Variants in RFC3 observed in about 807,000 individuals in gnomAD.
RFC3 encodes the protein A1 38 kDa subunit.
A neutral mutation model predicts 45.1 loss-of-function variants in RFC3; 41 were observed. The ratio of observed to expected loss-of-function variants is 0.91; its 90% CI spans 0.71 to 1.18. The LOEUF is 1.18. RFC3 is among the 50% of genes most tolerant of loss of function. The probability of loss-of-function intolerance (pLI) is 0.00; values close to 1 mark genes in which losing one functional copy is unlikely to be tolerated. For missense variants in RFC3, 423 were observed against 428.1 expected, an observed-to-expected ratio of 0.99 and a Z score of 0.10; for synonymous variants, 149 against 144.0, an observed-to-expected ratio of 1.03 and a Z score of -0.25.
At chr13:33,845,856 T>G (rs1189541947) in intron 8 of RFC3, among the ~76,000 whole-genome samples, 2 of 152,218 alleles carry the variant, frequency 1.3e-5, no homozygotes, top group African/African-American at 4.8e-5. Flanking sequence ...TGTATGGACA[T>G]TGAAGAGTTA....
In RFC3 at chr13:33,836,536, C is replaced by T; in HGVS notation, c.*241C>T. On this transcript the variant is annotated 3_prime_UTR_variant, in exon 9 of 9. Transcript: ENST00000380071. ...AGTCTAAGAAAATGATCTTAATTTA[C>T]TTTAAGCATTGGTTATTCAAGTATT... 1.7e-6 allele frequency: 2 copies of T among 1,206,080 alleles called. No individual in the cohort carries two copies. Among genetic ancestry groups the T allele is most frequent in the Non-Finnish European group, 1.0e-6 (1 of 965,420 alleles). 74.7% of individuals were successfully genotyped at this position (1,206,080 alleles called of 1,614,324 possible). A position where few individuals can be genotyped will look rare whatever the true frequency, so the allele number is the denominator to read the frequency against.
chr13:33,887,711 T>A (rs1465290365), intron 8 of RFC3, among the ~76,000 whole-genome samples: 4 of 152,160 alleles, frequency 2.6e-5, no homozygotes, highest in Non-Finnish European at 4.4e-5. Flanking sequence ...CCCATGCCTA[T>A]GTCCTGAATG....
chr13:33,919,231 T>C (rs1427391863), intron 8 of RFC3, among the ~76,000 whole-genome samples: 5 of 152,150 alleles, frequency 3.3e-5, no homozygotes, highest in Non-Finnish European at 5.9e-5. Context: ...TCTTTTTGTA[T>C]TTCTAATTGG....
At chr13:33,954,356 G>C (rs535448709) in intron 8 of RFC3, among the ~76,000 whole-genome samples, 2 of 152,192 alleles carry the variant, frequency 1.3e-5, no homozygotes, top group Non-Finnish European at 2.9e-5. Context: ...AGACCCCTGA[G>C]TGATGGTCAT....
At chr13:33,918,807 T>C (rs2082749472) in intron 8 of RFC3, among the ~76,000 whole-genome samples, 1 of 152,140 alleles carries the variant, frequency 6.6e-6, no homozygotes, top group Non-Finnish European at 1.5e-5. Context: ...CAAGTTTATA[T>C]GCTCAGAATT....
chr13:33,829,848 C>G lies in RFC3; in HGVS notation c.404C>G (p.Thr135Arg). ...CTCTTTGACTCAGTGGTATTATTGA[C>G]AGAAGTTGACAAACTCACCAAAGAT... ...SQRDFKVVLL[T>R]EVDKLTKDAQ... Residue 135 changes from threonine to arginine, a missense_variant, in exon 5 of 9, where the codon ACA (threonine) becomes AGA (arginine). Transcript: ENST00000380071. 1.2e-6 allele frequency: 2 copies of G among 1,613,816 alleles called. No homozygotes were observed. Among genetic ancestry groups the G allele is most frequent in the Non-Finnish European group, 1.7e-6 (2 of 1,179,728 alleles).
rs778661515 is a variant in RFC3, at chr13:33,824,451, C to T, written c.293+467C>T. Among the ~76,000 whole-genome samples the T allele has an allele frequency of 3.6e-4, 54 of 152,082 alleles. 1 individual carries two copies. The highest frequency in any genetic ancestry group is 1.3e-4 in the Non-Finnish European group (9 of 67,994). On this transcript the variant is annotated intron_variant, in intron 3 of 8. Transcript: ENST00000380071. ...CAATATCTTTATTCTCTATATCATG[C>T]AGTAATAAGAATTAGGAACTTGTTG... is the stretch of plus-strand genomic sequence containing the variant.
intron 8 of RFC3, among the ~76,000 whole-genome samples, chr13:33,872,617 C>T (rs1316476501): frequency 6.6e-6 from 1 of 152,066 alleles, no homozygotes; most frequent in East Asian, 1.9e-4. Flanking sequence ...CCTGTAATAC[C>T]AGCTACTCGG....
downstream of RFC3, among the ~76,000 whole-genome samples, chr13:33,840,433 T>C (rs983287499): frequency 2.6e-5 from 4 of 152,226 alleles, no homozygotes; most frequent in Non-Finnish European, 5.9e-5. Context: ...CTGCTTATTA[T>C]ATCTGTCATT....
intron 8 of RFC3, chr13:33,850,065 A>G (rs1179131145): frequency 6.6e-6 from 1 of 152,232 alleles, no homozygotes; most frequent in African/African-American, 2.4e-5. Flanking sequence ...TTAAAAATAT[A>G]GAAATACTTC....
intron 8 of RFC3, among the ~76,000 whole-genome samples, chr13:33,874,819 T>C (rs964651287): frequency 2.0e-5 from 3 of 152,236 alleles, no homozygotes; most frequent in African/African-American, 4.8e-5. Context: ...GCTTGTCTGG[T>C]TTAAGTGCCT....
chr13:33,936,586 C>T (rs760170579), intron 8 of RFC3, among the ~76,000 whole-genome samples: 33 of 152,030 alleles, frequency 2.2e-4, no homozygotes, highest in Non-Finnish European at 4.4e-5. Flanking sequence ...GAAAACAGCA[C>T]GTGAGGATAA....
intron 8 of RFC3, among the ~76,000 whole-genome samples, chr13:33,877,355 T>C (rs1384398887): frequency 6.6e-6 from 1 of 152,200 alleles, no homozygotes; most frequent in Admixed American, 6.5e-5. Context: ...ATGATCACAG[T>C]GCTCCTATGG....
chr13:33,956,410 G>A (rs1593717607), intron 8 of RFC3, among the ~76,000 whole-genome samples: 1 of 152,152 alleles, frequency 6.6e-6, no homozygotes, highest in African/African-American at 2.4e-5. Context: ...GGCAGCTTGT[G>A]AATACAGATG....
intron 8 of RFC3, among the ~76,000 whole-genome samples, chr13:33,947,056 T>G (rs1166366329): frequency 2.0e-5 from 3 of 152,236 alleles, no homozygotes; most frequent in African/African-American, 7.2e-5. Flanking sequence ...ACATCACCAG[T>G]GACCTCATCT....
intron 8 of RFC3, among the ~76,000 whole-genome samples, chr13:33,942,365 C>T (rs375521852): frequency 1.4e-4 from 21 of 151,862 alleles, no homozygotes; most frequent in African/African-American, 4.3e-4. Flanking sequence ...TCTATATTTA[C>T]GGGGTACATG....
intron 4 of RFC3, among the ~76,000 whole-genome samples, chr13:33,828,252 T>G (rs1457461638): frequency 6.6e-6 from 1 of 152,212 alleles, no homozygotes; most frequent in East Asian, 1.9e-4. Context: ...TTCCTTTGTC[T>G]CTCTTTTACC....
chr13:33,943,570 G>T (rs1465623034), intron 8 of RFC3, among the ~76,000 whole-genome samples: 3 of 152,112 alleles, frequency 2.0e-5, no homozygotes, highest in Non-Finnish European at 1.5e-5. Context: ...TGTATTGTGT[G>T]CATGTGTTCA....
chr13:33,968,372 C>G (rs1354272314), downstream of RFC3, among the ~76,000 whole-genome samples: 2 of 152,202 alleles, frequency 1.3e-5, no homozygotes, highest in Non-Finnish European at 2.9e-5. Context: ...AAGTGATCCT[C>G]CCACCTCGGC....
Sources: allele counts gnomAD v4.1 joint callset (sites outside exome capture counted in the v4.1 genomes callset), GRCh38; gene constraint gnomAD v4.1.1; transcripts MANE v1.5; gene names NCBI Gene and HGNC (gene_info 2026-07-23, HGNC 2026-07-21).